The following DNAJC5 variants were observed in gnomAD, a reference collection of about 807,000 sequenced individuals.
DNAJC5 encodes dnaJ homolog subfamily C member 5.
Under a neutral mutation model 23.2 loss-of-function variants are expected in DNAJC5, and 1 was observed. The ratio of observed to expected loss-of-function variants is 0.04; its 90% confidence interval spans 0.02 to 0.20. The LOEUF (loss-of-function observed/expected upper bound fraction) is 0.20, where lower values mean the gene tolerates loss of function less well. Among genes scored for constraint, DNAJC5 ranks in the 10% least tolerant of loss-of-function variants. The pLI, the probability that DNAJC5 is intolerant of heterozygous loss-of-function variation, is 1.00. For synonymous variants in DNAJC5, 136 were observed against 120.0 expected (o/e 1.13, Z -0.87); for missense variants, 180 against 267.0 (o/e 0.67, Z 2.27).
intron 1 of DNAJC5, among the ~76,000 whole-genome samples, chr20:63,914,780 T>C (rs187416562): frequency 2.1e-4 from 32 of 152,014 alleles, no homozygotes; most frequent in African/African-American, 7.7e-4. Flanking sequence ...CACGCCCTGC[T>C]AATTTCTGTA....
Position 63,928,471 on chromosome 20 carries a change from C to T in DNAJC5, c.107+19C>T. ...CCTATCGGTAAGTGGACAAGTGTGG[C>T]CCCCACATCCCCCCAGGAAGACACA... On this transcript the variant is annotated intron_variant, in intron 2 of 4. Transcript: ENST00000360864. This position sits in a 1 kb window ranked among gnomAD's most constrained non-coding sequence, Gnocchi z 4.6. 6.3e-7 allele frequency: 1 copy of T among 1,586,212 alleles called. No individual in the cohort carries two copies. Among genetic ancestry groups the T allele is most frequent in the Non-Finnish European group, 8.7e-7 (1 of 1,154,796 alleles).
At chr20:63,899,247 C>T (rs953815577) in intron 1 of DNAJC5, among the ~76,000 whole-genome samples, 2 of 152,178 alleles carry the variant, frequency 1.3e-5, no homozygotes, top group Admixed American at 1.3e-4. Flanking sequence ...CACCCCTAAT[C>T]TAGGAGCTGG....
At chr20:63,901,708 G>A (rs556675123) in intron 1 of DNAJC5, among the ~76,000 whole-genome samples, 221 of 152,346 alleles carry the variant, frequency 1.5e-3, no homozygotes, top group African/African-American at 5.1e-3. Flanking sequence ...TATTGGGAGG[G>A]ATTAGCAGCA....
intron 1 of DNAJC5, among the ~76,000 whole-genome samples, chr20:63,912,746 T>C (rs1364494034): frequency 2.0e-5 from 3 of 152,224 alleles, no homozygotes; most frequent in African/African-American, 4.8e-5. Context: ...TAGCTGGGAC[T>C]ACAGGCGCCT....
intron 1 of DNAJC5, among the ~76,000 whole-genome samples, chr20:63,916,383 C>T (rs992427293): frequency 8.5e-5 from 13 of 152,196 alleles, no homozygotes; most frequent in South Asian, 6.2e-4. Flanking sequence ...CATCACATAT[C>T]GGTAGGGCCG....
At chr20:63,930,572 C>A (rs901595919) in intron 3 of DNAJC5, among the ~76,000 whole-genome samples, 2 of 152,168 alleles carry the variant, frequency 1.3e-5, no homozygotes, top group Admixed American at 1.3e-4. Flanking sequence ...TGGTCTCGAT[C>A]TCCTGACCTC....
At chr20:63,916,487 T>C (rs900524725) in intron 1 of DNAJC5, among the ~76,000 whole-genome samples, 24 of 152,172 alleles carry the variant, frequency 1.6e-4, no homozygotes, top group Admixed American at 1.4e-3. Context: ...CAAGATCACA[T>C]GCTTCAAAGG....
intron 1 of DNAJC5, among the ~76,000 whole-genome samples, chr20:63,910,671 G>GA (rs2053476963): frequency 9.8e-6 from 1 of 101,744 alleles, no homozygotes; most frequent in African/African-American, 5.5e-5. Context: ...TTTTGAGAAT[G>GA]TTTTTTTTTT....
intron 1 of DNAJC5, among the ~76,000 whole-genome samples, chr20:63,897,643 A>G (rs1322983359): frequency 6.6e-6 from 1 of 152,240 alleles, no homozygotes; most frequent in African/African-American, 2.4e-5. Context: ...TTTGATTACC[A>G]GGAAAAACCC....
At chr20:63,909,503 A>G (rs1000566810) in intron 1 of DNAJC5, among the ~76,000 whole-genome samples, 2 of 152,028 alleles carry the variant, frequency 1.3e-5, no homozygotes, top group Non-Finnish European at 2.9e-5. Flanking sequence ...ATTCCGTCTC[A>G]AAAACAACAA....
intron 3 of DNAJC5, 61 bp from the exon 4 acceptor site, chr20:63,930,790 C>A: frequency 6.2e-7 from 1 of 1,608,502 alleles, no homozygotes; most frequent in East Asian, 2.2e-5. Flanking sequence ...ATTTGGGAGT[C>A]CTGCGCCTCC....
chr20:63,909,652 G>T (rs1451355494), intron 1 of DNAJC5, among the ~76,000 whole-genome samples: 1 of 152,260 alleles, frequency 6.6e-6, no homozygotes, highest in African/African-American at 2.4e-5. Context: ...CTGCACTCCA[G>T]CCTGGGCGAC....
At chr20:63,908,522 C>T (rs375986252) in intron 1 of DNAJC5, among the ~76,000 whole-genome samples, 2 of 152,258 alleles carry the variant, frequency 1.3e-5, no homozygotes, top group South Asian at 2.1e-4. Context: ...TGATTGGTCA[C>T]GGAATGAACA....
At chr20:63,924,726 G>A (rs1010431318) in intron 1 of DNAJC5, among the ~76,000 whole-genome samples, 1 of 152,360 alleles carries the variant, frequency 6.6e-6, no homozygotes, top group Admixed American at 6.5e-5. Context: ...GTGCGTGCCT[G>A]TAGTCCCGTG....
rs1233733492 is a variant in DNAJC5, at chr20:63,930,782, T to C, written c.322-69T>C. On this transcript the variant is annotated intron_variant, in intron 3 of 4. Coordinates refer to ENST00000360864, the MANE Select transcript of DNAJC5 (RefSeq NM_025219.3). Reference sequence around the variant, plus strand: ...ACCCCCTGCCTTCTGCTGAGGGCATTTGGGAGTCCTGCGCCTCCCTCTCCA... The same window carrying C: ...ACCCCCTGCCTTCTGCTGAGGGCATCTGGGAGTCCTGCGCCTCCCTCTCCA... 8 of 1,607,130 alleles carry C rather than the reference T, an allele frequency of 5.0e-6. No individual in the cohort carries two copies. The Admixed American group carries it at 8.3e-5, about 17-fold the overall frequency.
chr20:63,917,700 C>T (rs1240525582), intron 1 of DNAJC5, among the ~76,000 whole-genome samples: 1 of 152,068 alleles, frequency 6.6e-6, no homozygotes, highest in Non-Finnish European at 1.5e-5. Context: ...GGACTACAGG[C>T]ATGCGCCATC....
chr20:63,904,311 C>G (rs1243076706), intron 1 of DNAJC5, among the ~76,000 whole-genome samples: 3 of 152,178 alleles, frequency 2.0e-5, no homozygotes, highest in East Asian at 3.8e-4. Context: ...CCCAAAATTA[C>G]CTCTTACGAT....
At chr20:63,897,397 A>T (rs1407671039) in intron 1 of DNAJC5, among the ~76,000 whole-genome samples, 1 of 150,690 alleles carries the variant, frequency 6.6e-6, no homozygotes, top group Non-Finnish European at 1.5e-5. Flanking sequence ...TCCATCTTAT[A>T]AAAAAAATAA....
intron 1 of DNAJC5, among the ~76,000 whole-genome samples, chr20:63,925,703 A>C (rs1372752021): frequency 6.6e-6 from 1 of 151,712 alleles, no homozygotes; most frequent in East Asian, 1.9e-4. Flanking sequence ...TGCCAGTATC[A>C]CCGAGATCGC....
Sources: gnomAD v4.1 joint callset for allele counts (sites outside exome capture counted in the v4.1 genomes callset) on GRCh38, gnomAD v4.1.1 for gene constraint, Gnocchi (gnomAD v3.1) non-coding constraint, MANE v1.5 for transcripts, NCBI Gene and HGNC (gene_info 2026-07-23, HGNC 2026-07-21) for gene names.